Variants in LOXHD1 observed in about 807,000 individuals in gnomAD.
LOXHD1 encodes the protein lipoxygenase homology PLAT domains 1, also known as lipoxygenase homology domain-containing protein 1.
LOXHD1 carries 205 observed loss-of-function variants against 248.2 expected under a neutral mutation model. That is an observed-to-expected ratio of 0.83 (90% CI 0.74 to 0.93). The LOEUF (loss-of-function observed/expected upper bound fraction) is 0.93. LOXHD1 is among the 40% of genes least tolerant of loss of function. The pLI is 0.00. For missense variants in LOXHD1, 2,930 were observed against 2,971.6 expected, an observed-to-expected ratio of 0.99 and a Z score of 0.33; for synonymous variants, 1,113 against 1,162.8, an observed-to-expected ratio of 0.96 and a Z score of 0.87.
intron 12 of LOXHD1, among the ~76,000 whole-genome samples, chr18:46,582,948 C>A (rs1361317730): frequency 6.6e-6 from 1 of 152,176 alleles, no homozygotes; most frequent in Non-Finnish European, 1.5e-5. Flanking sequence ...GCTTTCTTAT[C>A]AGCTGGCCTA....
At chr18:46,596,384 G>A (rs2038257476) in intron 8 of LOXHD1, among the ~76,000 whole-genome samples, 1 of 152,108 alleles carries the variant, frequency 6.6e-6, no homozygotes, top group Non-Finnish European at 1.5e-5. Flanking sequence ...CCAGAGAGTA[G>A]GCAAATGTGA....
At chr18:46,527,342 C>A (rs1163441935) in intron 29 of LOXHD1, among the ~76,000 whole-genome samples, 1 of 152,206 alleles carries the variant, frequency 6.6e-6, no homozygotes, top group Non-Finnish European at 1.5e-5. Context: ...GCATCAACAC[C>A]AGGCGTCAAC....
In LOXHD1 at chr18:46,652,903, G is replaced by A. The variant is rs140776825; in HGVS notation, c.131-3634C>T. Reference sequence around the variant, plus strand: ...CACACGTGGATAAATCAGATATAACGCTGAAAGAAAAGCTAGACCCACACA... The same window carrying A: ...CACACGTGGATAAATCAGATATAACACTGAAAGAAAAGCTAGACCCACACA... On this transcript the variant is annotated intron_variant, in intron 1 of 40. Coordinates refer to ENST00000642948, the MANE Select transcript of LOXHD1 (RefSeq NM_001384474.1). 3.8e-3 allele frequency among the ~76,000 whole-genome samples: 571 copies of A among 152,240 alleles called. 8 individuals carry two copies. The highest frequency in any genetic ancestry group is 0.012 in the African/African-American group (517 of 41,562).
intron 18 of LOXHD1, among the ~76,000 whole-genome samples, chr18:46,561,996 A>AG (rs1212395652): frequency 1.3e-5 from 2 of 152,210 alleles, no homozygotes; most frequent in African/African-American, 4.8e-5. Context: ...CACGCTATCC[A>AG]GTTCCATCTC....
chr18:46,487,790 G>C (rs749712479), intron 38 of LOXHD1, among the ~76,000 whole-genome samples: 21 of 152,242 alleles, frequency 1.4e-4, no homozygotes, highest in Non-Finnish European at 1.5e-4. Context: ...GGAGAAGAGA[G>C]AAAGAGACGT....
chr18:46,610,404 CT>C (rs2038488613), intron 6 of LOXHD1, among the ~76,000 whole-genome samples: 1 of 91,828 alleles, frequency 1.1e-5, no homozygotes, highest in African/African-American at 4.2e-5. Context: ...CTGTCGGGGG[CT>C]GGGGGGCTGG....
chr18:46,594,000 G>A (rs1172089553), intron 9 of LOXHD1, among the ~76,000 whole-genome samples: 5 of 152,112 alleles, frequency 3.3e-5, no homozygotes, highest in African/African-American at 4.8e-5. Context: ...GTTTTAAATC[G>A]GGGAACGAGT....
In LOXHD1 at chr18:46,538,039, C is replaced by A. The variant is rs532989533; in HGVS notation, c.4095+117G>T. On this transcript the variant is annotated intron_variant, in intron 26 of 40. Transcript: ENST00000642948. ...GAAGGTAGGATGAGCTGCTCACCTTCCTCTCTAATAGCAGTGCATCAGGAT... is the reference window on the plus strand; with the variant it reads ...GAAGGTAGGATGAGCTGCTCACCTTACTCTCTAATAGCAGTGCATCAGGAT... 4.1e-5 allele frequency: 38 copies of A among 931,468 alleles called. No homozygotes were observed. In the South Asian group the frequency reaches 7.5e-4, roughly 18 times the overall value. 57.7% of individuals were successfully genotyped at this position (931,468 alleles called of 1,614,324 possible).
chr18:46,577,062 C>T lies in LOXHD1; in HGVS notation c.1970+645G>A, dbSNP rs140299085. Among the ~76,000 whole-genome samples the T allele has an allele frequency of 4.7e-3, 721 of 152,288 alleles. 7 individuals carry two copies. The highest frequency in any genetic ancestry group is 0.016 in the African/African-American group (685 of 41,560). ...GCCTTGGAACTGAGATTTGCAGAGCCGGGTCAGTCCAAGGCCCCAAGTCAA... is the reference window on the plus strand; with the variant it reads ...GCCTTGGAACTGAGATTTGCAGAGCTGGGTCAGTCCAAGGCCCCAAGTCAA... On this transcript the variant is annotated intron_variant, in intron 14 of 40. Transcript: ENST00000642948.
chr18:46,565,709 C>A (rs899318533), intron 17 of LOXHD1, among the ~76,000 whole-genome samples: 1 of 152,102 alleles, frequency 6.6e-6, no homozygotes, highest in African/African-American at 2.4e-5. Context: ...ACTTATAATA[C>A]CTAATACAAG....
intron 4 of LOXHD1, among the ~76,000 whole-genome samples, chr18:46,620,082 G>T (rs2038646992): frequency 6.6e-6 from 1 of 152,186 alleles, no homozygotes; most frequent in South Asian, 2.1e-4. Flanking sequence ...GCAGATTCCA[G>T]GTTTCCCTCC....
chr18:46,523,628 T>C (rs1042724564), intron 31 of LOXHD1, among the ~76,000 whole-genome samples: 1 of 152,212 alleles, frequency 6.6e-6, no homozygotes, highest in Non-Finnish European at 1.5e-5. Flanking sequence ...TACCCTGGCA[T>C]AGTGGATTTT....
intron 36 of LOXHD1, among the ~76,000 whole-genome samples, chr18:46,506,931 C>T (rs2034612027): frequency 6.6e-6 from 1 of 152,180 alleles, no homozygotes; most frequent in Non-Finnish European, 1.5e-5. Flanking sequence ...GCCTGGATGA[C>T]AGTGTGTTCC....
chr18:46,497,211 A>C (rs567009311), intron 37 of LOXHD1, among the ~76,000 whole-genome samples: 2 of 152,294 alleles, frequency 1.3e-5, no homozygotes, highest in East Asian at 3.9e-4. Flanking sequence ...CAAGGCAATC[A>C]GATAGTTTTT....
At chr18:46,640,058 T>G (rs112816951) in intron 3 of LOXHD1, among the ~76,000 whole-genome samples, 407 of 152,228 alleles carry the variant, frequency 2.7e-3, no homozygotes, top group Middle Eastern at 6.8e-3. Context: ...AAATCCAAGA[T>G]CCCTAGGGCT....
At chr18:46,538,513 G>A (rs557992911) in intron 25 of LOXHD1, among the ~76,000 whole-genome samples, 176 bp from the exon 26 acceptor site, 1 of 152,282 alleles carries the variant, frequency 6.6e-6, no homozygotes, top group Non-Finnish European at 1.5e-5. Context: ...GCAACTGCAG[G>A]TGGGGTCCTG....
At chr18:46,593,149 A>C (rs964614098) in intron 10 of LOXHD1, among the ~76,000 whole-genome samples, 1 of 152,146 alleles carries the variant, frequency 6.6e-6, no homozygotes, top group Admixed American at 6.5e-5. Flanking sequence ...TGGGGGAAAA[A>C]ATCTTTGCTC....
At chr18:46,623,389 A>T (rs1416163378) in intron 4 of LOXHD1, among the ~76,000 whole-genome samples, 1 of 152,206 alleles carries the variant, frequency 6.6e-6, no homozygotes, top group Non-Finnish European at 1.5e-5. Flanking sequence ...TTAAGCATTG[A>T]TCTGAAGAAT....
At chr18:46,480,764 CAG>C (rs2032494101) in intron 40 of LOXHD1, among the ~76,000 whole-genome samples, 1 of 152,084 alleles carries the variant, frequency 6.6e-6, no homozygotes, top group African/African-American at 2.4e-5. Context: ...AGAAAAATCC[CAG>C]AGAGAATGGG....
Sources: allele counts gnomAD v4.1 joint callset (sites outside exome capture counted in the v4.1 genomes callset), GRCh38; gene constraint gnomAD v4.1.1; transcripts MANE v1.5; gene names NCBI Gene and HGNC (gene_info 2026-07-23, HGNC 2026-07-21).